FNDC5: variants seen among roughly 807,000 people sequenced by gnomAD.
The protein encoded by FNDC5 is fibronectin type III domain containing 5, also known as fibronectin type III domain-containing protein 5.
Under a neutral mutation model 24.6 loss-of-function variants are expected in FNDC5, and 10 were observed. The observed-to-expected ratio is 0.41, with a 90% CI of 0.25 to 0.69. FNDC5 has a LOEUF of 0.69. Ranked by LOEUF, FNDC5 falls within the 30% of genes least tolerant of loss-of-function variation. The probability of loss-of-function intolerance (pLI) is 0.34; values close to 1 mark genes in which losing one functional copy is unlikely to be tolerated. For synonymous variants in FNDC5, 90 were observed against 110.7 expected, an observed-to-expected ratio of 0.81 and a Z score of 1.18; for missense variants, 226 against 282.9, an observed-to-expected ratio of 0.80 and a Z score of 1.44.
intron 5 of FNDC5, 105 bp downstream of exon 5, chr1:32,864,559 C>A (rs1641032734): frequency 1.3e-6 from 2 of 1,573,482 alleles, no homozygotes; most frequent in Non-Finnish European, 8.6e-7. Flanking sequence ...CTGGCTCTGC[C>A]CAGCTGTCGC....
At position 32,864,038 on chromosome 1, in the gene FNDC5, C is replaced by T. The variant is rs1387554924; in HGVS notation, c.*256G>A. 5 of 1,398,302 alleles carry T rather than the reference C, an allele frequency of 3.6e-6. No individual in the cohort carries two copies. In the African/African-American group the frequency reaches 5.8e-5, roughly 16 times the overall value. 86.6% of individuals were successfully genotyped at this position (1,398,302 alleles called of 1,614,324 possible). ...CCATGGCCCCTGGCACCCAGTCTAC[C>T]CCCAGCAGTCATCCCTCTGAGTGCA... On this transcript the variant is annotated 3_prime_UTR_variant, in exon 6 of 6. Coordinates refer to ENST00000373471, the MANE Select transcript of FNDC5 (RefSeq NM_153756.3).
chr1:32,868,044 C>A lies in FNDC5; in HGVS notation c.409+146G>T. 9.3e-7 allele frequency: 1 copy of A among 1,077,998 alleles called. No homozygotes were observed. Among genetic ancestry groups the A allele is most frequent in the South Asian group, 1.4e-5 (1 of 69,998 alleles). The allele number at this position is 1,077,998 out of a possible 1,614,324, so 66.8% of individuals were successfully genotyped here. A position where few individuals can be genotyped will look rare whatever the true frequency, so the allele number is the denominator to read the frequency against. Reference sequence around the variant, plus strand: ...TATATGCTCAGCGTCTTGTCAGGGACTAGCGTGAACCCTCTCTCAGGTACT... The same window carrying A: ...TATATGCTCAGCGTCTTGTCAGGGAATAGCGTGAACCCTCTCTCAGGTACT... On this transcript the variant is annotated intron_variant, in intron 3 of 5. Coordinates refer to ENST00000373471, the MANE Select transcript of FNDC5 (RefSeq NM_153756.3). This position sits in a 1 kb window ranked among gnomAD's most constrained non-coding sequence, Gnocchi z 4.8.
intron 4 of FNDC5, among the ~76,000 whole-genome samples, chr1:32,865,063 C>T (rs1159176234): frequency 3.9e-5 from 6 of 152,042 alleles, no homozygotes; most frequent in African/African-American, 1.2e-4. Flanking sequence ...TGGCCAGGCA[C>T]GGTGGCTCAC....
At chr1:32,864,851 C>CT in intron 4 of FNDC5, 54 bp from the exon 5 acceptor site, 2 of 1,603,062 alleles carry the variant, frequency 1.2e-6, no homozygotes, top group Non-Finnish European at 1.7e-6. Context: ...CCTGCCTCCC[C>CT]TGCTTCTTTC....
At chr1:32,871,749 C>T (rs1413224675), upstream of FNDC5, among the ~76,000 whole-genome samples, 1 of 152,194 alleles carries the variant, frequency 6.6e-6, no homozygotes, top group African/African-American at 2.4e-5. Flanking sequence ...TTCACCCATC[C>T]GGAGATTCGT....
intron 4 of FNDC5, among the ~76,000 whole-genome samples, chr1:32,865,972 AAGTC>A (rs1641063806): frequency 6.6e-6 from 1 of 152,166 alleles, no homozygotes; most frequent in Non-Finnish European, 1.5e-5. Flanking sequence ...TGTTTTTTAA[AAGTC>A]AGACAGTATT....
rs1416752842 is a variant in FNDC5, at chr1:32,865,224, C to T, written c.500-427G>A. Among the ~76,000 whole-genome samples the T allele has an allele frequency of 6.6e-5, 10 of 151,888 alleles. No individual in the cohort carries two copies. The East Asian group carries it at 7.9e-4, about 12-fold the overall frequency. On this transcript the variant is annotated intron_variant, in intron 4 of 5. Coordinates refer to ENST00000373471, the MANE Select transcript of FNDC5 (RefSeq NM_153756.3). Reference sequence around the variant, plus strand: ...AAGTGATTCTCCTGCCTCAGCCTCCCGAGTAGCTGGGATTACAGGTATGCG... The same window carrying T: ...AAGTGATTCTCCTGCCTCAGCCTCCTGAGTAGCTGGGATTACAGGTATGCG...
rs577196941 is a variant in FNDC5 at position 32,863,784 on chromosome 1, G to A, written c.*510C>T. The A allele has an allele frequency of 1.2e-4, 152 of 1,304,482 alleles. 1 individual carries two copies. The African/African-American group carries it at 1.5e-3, about 13-fold the overall frequency. 80.8% of individuals were successfully genotyped at this position (1,304,482 alleles called of 1,614,324 possible). A position where few individuals can be genotyped will look rare whatever the true frequency, so the allele number is the denominator to read the frequency against. ...TGAGGGCTTGTTTGGAAACTGGGAGGAAAAAAATGAGAGAAGCAGCCAGGC... is the reference window on the plus strand; with the variant it reads ...TGAGGGCTTGTTTGGAAACTGGGAGAAAAAAAATGAGAGAAGCAGCCAGGC... On this transcript the variant is annotated 3_prime_UTR_variant, in exon 6 of 6. Transcript: ENST00000373471.
rs1015933326 is a variant in FNDC5, at chr1:32,868,182, G to A, written c.409+8C>T. ...ACCCCATTCCTCTTAACAGTGACCC[G>A]GGCCTGCCTTTGTTCTTGGAGGCCA... On this transcript the variant is annotated splice_region_variant and intron_variant, in intron 3 of 5. Transcript: ENST00000373471. The surrounding 1 kb of genome is among the most constrained non-coding windows in gnomAD (Gnocchi z 4.8). 7.4e-6 allele frequency: 12 copies of A among 1,613,558 alleles called. No homozygotes were observed. Among genetic ancestry groups the A allele is most frequent in the East Asian group, 2.2e-5 (1 of 44,898 alleles).
Position 32,867,792 on chromosome 1 carries a change from C to T in FNDC5, c.460G>A (p.Glu154Lys), listed in dbSNP as rs1466426974. 13 of 1,613,970 alleles carry T rather than the reference C, an allele frequency of 8.1e-6. No individual in the cohort carries two copies. The highest frequency in any genetic ancestry group is 2.7e-5 in the African/African-American group (2 of 74,892). ...AGGACCACGACGATGATCAGCACCT[C>T]GCCTGTCCGCAGCTGTTGGTTCCTC... Residue 154 changes from glutamate (E) to lysine (K), a missense_variant, in exon 4 of 6, where the codon GAG becomes AAG. Coordinates refer to ENST00000373471, the MANE Select transcript of FNDC5 (RefSeq NM_153756.3).
At chr1:32,865,953 T>C (rs183820398) in intron 4 of FNDC5, among the ~76,000 whole-genome samples, 41 of 152,324 alleles carry the variant, frequency 2.7e-4, no homozygotes, top group African/African-American at 9.4e-4. Context: ...TAATAATACA[T>C]GAACAGAATG....
upstream of FNDC5, chr1:32,870,986 G>A (rs1032530604): frequency 6.7e-6 from 1 of 148,726 alleles, no homozygotes; most frequent in South Asian, 2.1e-4. Flanking sequence ...GCTGCGGGGA[G>A]AGGTGCGGGG....
chr1:32,868,421 C>T lies in FNDC5; in HGVS notation c.211-33G>A. 1 of 1,600,864 alleles carries T rather than the reference C, an allele frequency of 6.2e-7. No homozygotes were observed. The highest frequency in any genetic ancestry group is 2.2e-5 in the East Asian group (1 of 44,646). ...CAAGCGCCGGTCACTGCTGTCAACA[C>T]TCGGTGACCAGCCCCGCTCCTGCCC... On this transcript the variant is annotated intron_variant, in intron 2 of 5. Transcript: ENST00000373471. The surrounding 1 kb of genome is among the most constrained non-coding windows in gnomAD (Gnocchi z 4.8).
intron 4 of FNDC5, 25 bp downstream of exon 4, chr1:32,867,728 A>G (rs1201463943): frequency 6.2e-7 from 1 of 1,607,964 alleles, no homozygotes; most frequent in South Asian, 1.1e-5. Context: ...TGAGGGAAGA[A>G]GAAGGTCTCG....
chr1:32,863,679 C>T lies in FNDC5; in HGVS notation c.*615G>A, dbSNP rs570174355. ...CTGCAGTTGTCCCTCTCCCTGTGCC[C>T]GTGGGCCTGGGGACCAGCTGAGAAG... On this transcript the variant is annotated 3_prime_UTR_variant, in exon 6 of 6. Coordinates refer to ENST00000373471, the MANE Select transcript of FNDC5 (RefSeq NM_153756.3). 2.3e-5 allele frequency: 30 copies of T among 1,300,836 alleles called. No individual in the cohort carries two copies. The highest frequency in any genetic ancestry group is 2.1e-4 in the African/African-American group (14 of 65,868). The allele number at this position is 1,300,836 out of a possible 1,614,324, so 80.6% of individuals were successfully genotyped here. A position where few individuals can be genotyped will look rare whatever the true frequency, so the allele number is the denominator to read the frequency against.
At position 32,864,181 on chromosome 1, in the gene FNDC5, G is replaced by T. The variant is rs1245235826; in HGVS notation, c.*113C>A. 6.2e-7 allele frequency: 1 copy of T among 1,607,110 alleles called. No homozygotes were observed. The highest frequency in any genetic ancestry group is 1.3e-5 in the African/African-American group (1 of 74,854). On this transcript the variant is annotated 3_prime_UTR_variant, in exon 6 of 6. Transcript: ENST00000373471. ...AGGGTACAAGGAGATGGAGGGAAGA[G>T]ATGTAGAGAGGGCCAGATGTTTGTT...
rs1257007537 is a variant in FNDC5, at chr1:32,868,955, T to C, written c.137A>G (p.Lys46Arg). Residue 46 changes from lysine to arginine, a missense_variant, in exon 2 of 6, where the codon AAG becomes AGG. Lys to Arg is a conservative substitution (Grantham distance 26). Coordinates refer to ENST00000373471, the MANE Select transcript of FNDC5 (RefSeq NM_153756.3). The surrounding 1 kb of genome is among the most constrained non-coding windows in gnomAD (Gnocchi z 4.8). ...CCAGCTCACCACTGCAGAGTTGGCC[T>C]TGAGGTGCCTGACGGTGACGTTCAC... The C allele has an allele frequency of 2.4e-6, 3 of 1,234,990 alleles. No individual in the cohort carries two copies. Among genetic ancestry groups the C allele is most frequent in the Non-Finnish European group, 3.0e-6 (3 of 989,616 alleles). 76.5% of individuals were successfully genotyped at this position (1,234,990 alleles called of 1,614,324 possible). A position where few individuals can be genotyped will look rare whatever the true frequency, so the allele number is the denominator to read the frequency against.
upstream of FNDC5, among the ~76,000 whole-genome samples, chr1:32,871,312 G>T (rs566148781): frequency 5.9e-5 from 9 of 152,158 alleles, no homozygotes; most frequent in South Asian, 1.9e-3. Context: ...CCGAGGCCTT[G>T]CGGCTGGGGC....
upstream of FNDC5, among the ~76,000 whole-genome samples, chr1:32,871,475 C>T (rs1641183599): frequency 6.6e-6 from 1 of 152,192 alleles, no homozygotes; most frequent in African/African-American, 2.4e-5. Flanking sequence ...AGTCCTTTTC[C>T]TTCATTTTCA....
Sources: allele counts gnomAD v4.1 joint callset (sites outside exome capture counted in the v4.1 genomes callset), GRCh38; gene constraint gnomAD v4.1.1; non-coding constraint Gnocchi (gnomAD v3.1); transcripts MANE v1.5; gene names NCBI Gene and HGNC (gene_info 2026-07-23, HGNC 2026-07-21).